The following CDH18 variants were observed in gnomAD, a reference collection of about 807,000 sequenced individuals.
The protein encoded by CDH18 is cadherin-18.
Under a neutral mutation model 67.9 loss-of-function variants are expected in CDH18, and 31 were observed. That is an observed-to-expected ratio of 0.46 (90% CI 0.34 to 0.62). CDH18 has a LOEUF of 0.62. CDH18 is among the 20% of genes least tolerant of loss of function. The probability of loss-of-function intolerance (pLI) is 0.01; values close to 1 mark genes in which losing one functional copy is unlikely to be tolerated. For missense variants in CDH18, 890 were observed against 975.5 expected, an observed-to-expected ratio of 0.91 and a Z score of 1.17; for synonymous variants, 362 against 347.2, an observed-to-expected ratio of 1.04 and a Z score of -0.48.
intron 1 of CDH18, among the ~76,000 whole-genome samples, chr5:20,465,909 TATCAG>T (rs1473834830): frequency 1.3e-3 from 200 of 152,166 alleles, no homozygotes; most frequent in Non-Finnish European, 2.5e-3. Context: ...TAATTTAAAA[TATCAG>T]TTGTTATCTT....
intron 1 of CDH18, among the ~76,000 whole-genome samples, chr5:20,416,152 A>G (rs896742290): frequency 3.3e-5 from 5 of 152,168 alleles, no homozygotes; most frequent in African/African-American, 1.2e-4. Context: ...TTTCTACAAT[A>G]AAAATGATTA....
intron 1 of CDH18, among the ~76,000 whole-genome samples, chr5:20,346,951 A>G (rs1171162948): frequency 6.6e-6 from 1 of 152,174 alleles, no homozygotes; most frequent in Non-Finnish European, 1.5e-5. Context: ...ATCTCTTAGC[A>G]GAAAAATGAG....
At chr5:20,561,980 T>C (rs1758243734) in intron 1 of CDH18, among the ~76,000 whole-genome samples, 1 of 151,860 alleles carries the variant, frequency 6.6e-6, no homozygotes, top group Non-Finnish European at 1.5e-5. Context: ...GCCTCACAAG[T>C]TCCAAATCAA....
intron 1 of CDH18, among the ~76,000 whole-genome samples, chr5:20,319,136 A>G (rs1737747920): frequency 6.6e-6 from 1 of 152,124 alleles, no homozygotes; most frequent in South Asian, 2.1e-4. Context: ...TATTGACTTC[A>G]TCTGTCATTA....
chr5:20,379,326 T>C (rs760911634), intron 1 of CDH18, among the ~76,000 whole-genome samples: 6 of 152,204 alleles, frequency 3.9e-5, no homozygotes, highest in Admixed American at 1.3e-4. Context: ...GAAGATATGT[T>C]GTAGAGCCAT....
intron 3 of CDH18, among the ~76,000 whole-genome samples, chr5:19,760,687 C>A (rs1434304441): frequency 6.6e-6 from 1 of 152,172 alleles, no homozygotes; most frequent in Non-Finnish European, 1.5e-5. Context: ...TCAAACAGTT[C>A]TTTTCAAGTG....
chr5:20,511,263 A>C (rs1433022623), intron 1 of CDH18, among the ~76,000 whole-genome samples: 5 of 152,232 alleles, frequency 3.3e-5, no homozygotes, highest in Non-Finnish European at 7.3e-5. Flanking sequence ...TAGATATTTC[A>C]AAAGTATAGA....
At chr5:20,171,524 A>G (rs1486740082) in intron 2 of CDH18, among the ~76,000 whole-genome samples, 1 of 151,262 alleles carries the variant, frequency 6.6e-6, no homozygotes, top group Non-Finnish European at 1.5e-5. Flanking sequence ...TCTTTTAAAG[A>G]GTGTCTGTTC....
intron 1 of CDH18, among the ~76,000 whole-genome samples, chr5:20,340,983 C>T (rs1301722674): frequency 6.6e-6 from 1 of 152,080 alleles, no homozygotes; most frequent in Non-Finnish European, 1.5e-5. Context: ...AACACTTTGT[C>T]TTCCCCTGGT....
intron 5 of CDH18, among the ~76,000 whole-genome samples, chr5:19,688,840 T>C (rs1377815010): frequency 1.3e-5 from 2 of 151,746 alleles, no homozygotes; most frequent in African/African-American, 4.8e-5. Context: ...GTGATAGATA[T>C]CATAAAAAAG....
intron 5 of CDH18, among the ~76,000 whole-genome samples, chr5:19,663,484 G>C (rs1409599557): frequency 6.6e-6 from 1 of 151,888 alleles, no homozygotes; most frequent in African/African-American, 2.4e-5. Flanking sequence ...GCTTGCTAGA[G>C]AAGACCTGAA....
At chr5:19,766,299 C>T (rs978921004) in intron 3 of CDH18, among the ~76,000 whole-genome samples, 1 of 152,146 alleles carries the variant, frequency 6.6e-6, no homozygotes, top group African/African-American at 2.4e-5. Context: ...CTCAGTAACC[C>T]AAGATTGAAA....
chr5:20,190,872 G>A (rs903833451), intron 2 of CDH18, among the ~76,000 whole-genome samples: 1 of 151,798 alleles, frequency 6.6e-6, no homozygotes, highest in African/African-American at 2.4e-5. Flanking sequence ...CCTATTTTTG[G>A]CATGCATGTA....
intron 6 of CDH18, among the ~76,000 whole-genome samples, chr5:19,608,542 A>C (rs1748447709): frequency 6.6e-6 from 1 of 151,750 alleles, no homozygotes; most frequent in South Asian, 2.1e-4. Flanking sequence ...ATCTTCAGCA[A>C]TATTTTCTTT....
chr5:19,593,707 C>CCTCCTTCCTCTTCTTCTTCTTCTTCTT, intron 6 of CDH18, among the ~76,000 whole-genome samples: 1 of 33,384 alleles, frequency 3.0e-5, no homozygotes, highest in Non-Finnish European at 5.5e-5. Flanking sequence ...TCCTCCTCCT[C>CCTCCTTCCTCTTCTTCTTCTTCTTCTT]CTTCTTCTTC....
rs573595639 is a variant in CDH18 at position 19,846,334 on chromosome 5, A to G, written c.-256-7092T>C. On this transcript the variant is annotated intron_variant, in intron 2 of 12. Coordinates refer to ENST00000382275, the MANE Select transcript of CDH18 (RefSeq NM_004934.5). The stretch of plus-strand genomic sequence containing the variant: ...CATGCTTTATGTTACTGATGTCACA[A>G]ATACATTTTTATGTTGTGTACCAAT... Among the ~76,000 whole-genome samples the G allele has an allele frequency of 2.7e-4, 41 of 152,226 alleles. No individual in the cohort carries two copies. The Middle Eastern group carries it at 0.01, about 38-fold the overall frequency.
chr5:19,503,940 C>T (rs1743672752), intron 10 of CDH18, among the ~76,000 whole-genome samples: 1 of 151,900 alleles, frequency 6.6e-6, no homozygotes, highest in African/African-American at 2.4e-5. Context: ...AAACGAGAAA[C>T]AAAGAGAGAG....
chr5:20,529,333 C>T (rs1317301446), intron 1 of CDH18, among the ~76,000 whole-genome samples: 2 of 151,530 alleles, frequency 1.3e-5, no homozygotes, highest in African/African-American at 2.4e-5. Context: ...CAAAGAGGAG[C>T]TGGCACCATT....
At chr5:20,108,119 C>G (rs990220874) in intron 2 of CDH18, among the ~76,000 whole-genome samples, 1 of 152,000 alleles carries the variant, frequency 6.6e-6, no homozygotes, top group African/African-American at 2.4e-5. Context: ...CTTGCTCTGT[C>G]GCTCAGGCTG....
Sources: allele counts gnomAD v4.1 joint callset (sites outside exome capture counted in the v4.1 genomes callset), GRCh38; gene constraint gnomAD v4.1.1; transcripts MANE v1.5; gene names NCBI Gene and HGNC (gene_info 2026-07-23, HGNC 2026-07-21).